TTC6: variants seen among roughly 807,000 people sequenced by gnomAD.
TTC6 encodes tetratricopeptide repeat domain 6.
TTC6 carries 172 observed loss-of-function variants against 210.4 expected under a neutral mutation model. That is an observed-to-expected ratio of 0.82 (90% CI 0.72 to 0.93). The LOEUF is 0.93. Ranked by LOEUF, TTC6 falls within the 40% of genes least tolerant of loss-of-function variation. The pLI is 0.00. For missense variants in TTC6, 2,414 were observed against 2,318.1 expected, an observed-to-expected ratio of 1.04 and a Z score of -0.85; for synonymous variants, 804 against 819.6, an observed-to-expected ratio of 0.98 and a Z score of 0.32.
chr14:37,624,782 C>T lies in TTC6; in HGVS notation c.939+1779C>T, dbSNP rs535562884. 5.3e-5 allele frequency among the ~76,000 whole-genome samples: 8 copies of T among 151,996 alleles called. No individual in the cohort carries two copies. In the South Asian group the frequency reaches 6.2e-4, roughly 12 times the overall value. ...GACTACAGCCGCCCACCACTATGCCCGGCTAATTTTTTGTATTTTTAGTAG... is the reference window on the plus strand; with the variant it reads ...GACTACAGCCGCCCACCACTATGCCTGGCTAATTTTTTGTATTTTTAGTAG... On this transcript the variant is annotated intron_variant, in intron 1 of 30. Coordinates refer to ENST00000553443, the Ensembl canonical transcript of TTC6.
At chr14:37,730,498 T>G (rs1450311883) in intron 7 of TTC6, among the ~76,000 whole-genome samples, 1 of 152,214 alleles carries the variant, frequency 6.6e-6, no homozygotes, top group Non-Finnish European at 1.5e-5. Flanking sequence ...TTCCTGATAA[T>G]TTTAATGTTC....
In TTC6 at chr14:37,634,595, A is replaced by G. The variant is rs138335959; in HGVS notation, c.939+11592A>G. ...GAAATAATGGCTAGAAACTTCCCAA[A>G]TGTGGCAAGAGACATAAACCTACAT... On this transcript the variant is annotated intron_variant, in intron 1 of 30. Transcript: ENST00000553443. 4.8e-3 allele frequency among the ~76,000 whole-genome samples: 729 copies of G among 152,312 alleles called. 4 individuals carry two copies. The highest frequency in any genetic ancestry group is 0.019 in the South Asian group (91 of 4,820).
intron 26 of TTC6, among the ~76,000 whole-genome samples, chr14:37,820,448 T>C (rs929693810): frequency 2.6e-5 from 4 of 152,226 alleles, no homozygotes; most frequent in Non-Finnish European, 5.9e-5. Flanking sequence ...ACAACTTATA[T>C]GACGTGGTGA....
At chr14:37,800,180 G>C (rs1266309136) in intron 20 of TTC6, among the ~76,000 whole-genome samples, 1 of 152,052 alleles carries the variant, frequency 6.6e-6, no homozygotes, top group Non-Finnish European at 1.5e-5. Context: ...TAGATACCTG[G>C]TTTTTAAAGA....
At chr14:37,758,622 G>A (rs1462219560) in intron 14 of TTC6, among the ~76,000 whole-genome samples, 1 of 152,062 alleles carries the variant, frequency 6.6e-6, no homozygotes, top group Non-Finnish European at 1.5e-5. Flanking sequence ...ACACCGATGG[G>A]TCTTGACTCT....
At chr14:37,689,188 CAG>C (rs1380540700) in intron 3 of TTC6, among the ~76,000 whole-genome samples, 2 of 151,978 alleles carry the variant, frequency 1.3e-5, no homozygotes, top group East Asian at 3.9e-4. Flanking sequence ...AAGAATGCAT[CAG>C]AGTCTTTTAG....
At chr14:37,783,682 G>C (rs2096060851) in intron 14 of TTC6, among the ~76,000 whole-genome samples, 1 of 152,044 alleles carries the variant, frequency 6.6e-6, no homozygotes, top group Admixed American at 6.5e-5. Context: ...GCTTTTGAAT[G>C]TGTTTGCTCT....
At chr14:37,644,177 TG>T (rs2139395563) in intron 1 of TTC6, among the ~76,000 whole-genome samples, 1 of 152,304 alleles carries the variant, frequency 6.6e-6, no homozygotes, top group African/African-American at 2.4e-5. Context: ...GAGTAGCTAA[TG>T]GGTCCAGATA....
At chr14:37,811,098 A>G (rs1160080716) in intron 24 of TTC6, among the ~76,000 whole-genome samples, 1 of 152,004 alleles carries the variant, frequency 6.6e-6, no homozygotes, top group Non-Finnish European at 1.5e-5. Flanking sequence ...CTTAATCAAA[A>G]CCTGTGTGCT....
chr14:37,615,229 A>G (rs117450465), intron 2 of TTC6, among the ~76,000 whole-genome samples: 3 of 152,210 alleles, frequency 2.0e-5, no homozygotes, highest in East Asian at 1.9e-4. Context: ...ATCACCTTAC[A>G]TATGATTTTC....
At chr14:37,806,547 T>C in intron 22 of TTC6, 37 bp downstream of exon 24, 1 of 1,459,846 alleles carries the variant, frequency 6.9e-7, no homozygotes, top group Non-Finnish European at 9.1e-7. Context: ...TTGGAAAGTG[T>C]TAAGTTTGGT....
At chr14:37,686,922 T>C (rs1176256418) in intron 3 of TTC6, among the ~76,000 whole-genome samples, 1 of 152,118 alleles carries the variant, frequency 6.6e-6, no homozygotes, top group Non-Finnish European at 1.5e-5. Flanking sequence ...CTGATTGAAT[T>C]TGTAGATAGC....
chr14:37,648,011 AAC>A lies in TTC6; in HGVS notation c.939+25023_939+25024del, dbSNP rs760462295. On this transcript the variant is annotated intron_variant, in intron 1 of 30. Coordinates refer to ENST00000553443, the Ensembl canonical transcript of TTC6. ...ATAGCGTTATAACTATAATATTACAAACACACACACACACACGTTCACACCCC... is the reference window on the plus strand; with the variant it reads ...ATAGCGTTATAACTATAATATTACAAACACACACACACACGTTCACACCCC... 4.6e-5 allele frequency among the ~76,000 whole-genome samples: 7 copies of A among 151,296 alleles called. No homozygotes were observed. The East Asian group carries it at 7.7e-4, about 17-fold the overall frequency.
chr14:37,799,604 G>C (rs2096101265), intron 20 of TTC6, among the ~76,000 whole-genome samples: 1 of 152,124 alleles, frequency 6.6e-6, no homozygotes, highest in East Asian at 1.9e-4. Context: ...GTAGACTGGA[G>C]AGAGAAATTC....
At chr14:37,629,236 G>A (rs1328927689) in intron 1 of TTC6, among the ~76,000 whole-genome samples, 3 of 152,186 alleles carry the variant, frequency 2.0e-5, no homozygotes, top group Non-Finnish European at 1.5e-5. Flanking sequence ...TCCTATCCAT[G>A]AGCATGGAAT....
intron 1 of TTC6, among the ~76,000 whole-genome samples, chr14:37,665,565 A>G (rs1476720749): frequency 6.6e-6 from 1 of 150,456 alleles, no homozygotes; most frequent in African/African-American, 2.4e-5. Context: ...TACCTAGGTG[A>G]TGAGATGATC....
chr14:37,748,848 A>G lies in TTC6; in HGVS notation c.2364-91A>G, dbSNP rs578073074. ...GCATGTAATTTTGTTTTGATAACAA[A>G]TAGTAGTTTTATGTGTGGCTGAGTT... On this transcript the variant is annotated intron_variant, in intron 10 of 30. Coordinates refer to ENST00000553443, the Ensembl canonical transcript of TTC6. 9 of 1,008,272 alleles carry G rather than the reference A, an allele frequency of 8.9e-6. No homozygotes were observed. The East Asian group carries it at 1.6e-4, about 18-fold the overall frequency. 62.5% of individuals were successfully genotyped at this position (1,008,272 alleles called of 1,614,324 possible). A position where few individuals can be genotyped will look rare whatever the true frequency, so the allele number is the denominator to read the frequency against.
chr14:37,604,994 T>A (rs910746713), intron 1 of TTC6, among the ~76,000 whole-genome samples: 1 of 152,240 alleles, frequency 6.6e-6, no homozygotes, highest in African/African-American at 2.4e-5. Flanking sequence ...GAAGTCCACC[T>A]GAAATGAAAC....
chr14:37,732,343 T>C (rs528027700), intron 7 of TTC6, among the ~76,000 whole-genome samples: 14 of 149,392 alleles, frequency 9.4e-5, no homozygotes, highest in South Asian at 4.3e-4. Flanking sequence ...CCACCACGCC[T>C]TGCTAATTTT....
Sources: allele counts gnomAD v4.1 joint callset (sites outside exome capture counted in the v4.1 genomes callset), GRCh38; gene constraint gnomAD v4.1.1; transcripts MANE v1.5; gene names NCBI Gene and HGNC (gene_info 2026-07-23, HGNC 2026-07-21).